Variants in ADGRL1 observed in about 807,000 individuals in gnomAD.
ADGRL1 encodes the protein CIRL-1.
In ADGRL1, 31 loss-of-function variants were observed where a neutral mutation model predicts 148.9. That is an observed-to-expected ratio of 0.21 (90% CI 0.16 to 0.28). The LOEUF is 0.28. Among genes scored for constraint, ADGRL1 ranks in the 10% least tolerant of loss-of-function variants. The pLI is 1.00. For synonymous variants in ADGRL1, 937 were observed against 900.3 expected (o/e 1.04, Z -0.73); for missense variants, 1,521 against 2,058.8 (o/e 0.74, Z 5.05).
chr19:14,158,661 G>A, intron 11 of ADGRL1, 109 bp from the exon 12 acceptor site: 1 of 855,292 alleles, frequency 1.2e-6, no homozygotes. Context: ...GGCCACGCTG[G>A]CCACTGGGAC....
chr19:14,174,295 G>A (rs1024165976), intron 3 of ADGRL1, among the ~76,000 whole-genome samples: 1 of 152,218 alleles, frequency 6.6e-6, no homozygotes, highest in East Asian at 1.9e-4. Context: ...AGCCTGGACT[G>A]GGAATGCCTA....
chr19:14,153,289 T>C (rs1447068155), intron 18 of ADGRL1, among the ~76,000 whole-genome samples: 2 of 152,112 alleles, frequency 1.3e-5, no homozygotes, highest in Non-Finnish European at 2.9e-5. Flanking sequence ...TATATTTCAG[T>C]AGACAGAGAC....
intron 1 of ADGRL1, among the ~76,000 whole-genome samples, chr19:14,194,451 G>A (rs921049557): frequency 6.6e-6 from 1 of 152,238 alleles, no homozygotes; most frequent in Non-Finnish European, 1.5e-5. Context: ...CACCTGAGAT[G>A]CCTGGGACAG....
intron 4 of ADGRL1, among the ~76,000 whole-genome samples, chr19:14,166,236 G>A (rs1441924227): frequency 6.9e-5 from 4 of 58,054 alleles, no homozygotes; most frequent in African/African-American, 2.7e-4. Flanking sequence ...GCCCGCCCCC[G>A]CCCCCTCGCC....
chr19:14,152,802 G>A lies in ADGRL1; in HGVS notation c.3405C>T (p.Arg1135=), dbSNP rs766291655. The part of the protein sequence containing the change: ...LKTSAMRSNT[R]YYTGTQSRIR... The stretch of plus-strand genomic sequence containing the variant: ...CCGATACCTGGGTCCCTGTGTAGTA[G>A]CGGGTGTTGCTTCGCATGGCTGAGG... Residue 1135 remains arginine, a synonymous_variant, in exon 19 of 23, where the codon CGC becomes CGT. Coordinates refer to ENST00000361434, the MANE Select transcript of ADGRL1 (RefSeq NM_014921.5). This position sits in a 1 kb window ranked among gnomAD's most constrained non-coding sequence, Gnocchi z 6.1. The A allele has an allele frequency of 5.6e-6, 9 of 1,614,104 alleles. No individual in the cohort carries two copies. Among genetic ancestry groups the A allele is most frequent in the Non-Finnish European group, 7.6e-6 (9 of 1,179,990 alleles).
chr19:14,189,982 G>A (rs1047421472), intron 1 of ADGRL1, among the ~76,000 whole-genome samples: 23 of 152,200 alleles, frequency 1.5e-4, no homozygotes, highest in African/African-American at 5.1e-4. Context: ...ATGCTGGAGT[G>A]CAGTGGCGCA....
intron 3 of ADGRL1, chr19:14,171,066 G>C (rs919845036): frequency 5.7e-6 from 2 of 348,250 alleles, no homozygotes; most frequent in Non-Finnish European, 1.1e-5. Flanking sequence ...CCGTGCTGTT[G>C]AGATCTGGTT....
At chr19:14,183,032 G>A (rs1331930442) in intron 2 of ADGRL1, among the ~76,000 whole-genome samples, 1 of 152,318 alleles carries the variant, frequency 6.6e-6, no homozygotes, top group South Asian at 2.1e-4. Flanking sequence ...TCGAGTAATC[G>A]GTGAGGGTGG....
Position 14,177,670 on chromosome 19 carries a change from G to A in ADGRL1, c.145C>T (p.Arg49Trp), listed in dbSNP as rs1249740561. The A allele has an allele frequency of 6.2e-6, 10 of 1,614,072 alleles. No individual in the cohort carries two copies. Among genetic ancestry groups the A allele is most frequent in the Non-Finnish European group, 8.5e-6 (10 of 1,180,054 alleles). The change falls in exon 3 of 23, where the codon CGG becomes TGG. Residue 49 changes from arginine (R) to tryptophan (W), a missense_variant. This residue lies in a region of ADGRL1 where 334 missense variants were observed against 512.5 expected (regional missense o/e 0.65). Coordinates refer to ENST00000361434, the MANE Select transcript of ADGRL1 (RefSeq NM_014921.5). ...LACEGYPIEL[R>W]CPGSDVIMVE... Reference sequence around the variant, plus strand: ...ATGATGACGTCGCTGCCGGGGCACCGCAGCTCGATGGGGTAGCCTTCACAC... The same window carrying A: ...ATGATGACGTCGCTGCCGGGGCACCACAGCTCGATGGGGTAGCCTTCACAC...
At chr19:14,197,977 T>A (rs1412015695) in intron 1 of ADGRL1, among the ~76,000 whole-genome samples, 1 of 152,056 alleles carries the variant, frequency 6.6e-6, no homozygotes, top group African/African-American at 2.4e-5. Context: ...GTAGACAGGG[T>A]GGCCAGGAAA....
At chr19:14,165,690 A>C (rs1599434061) in intron 4 of ADGRL1, among the ~76,000 whole-genome samples, 2 of 146,584 alleles carry the variant, frequency 1.4e-5, no homozygotes, top group East Asian at 4.2e-4. Flanking sequence ...GAGAGACTCC[A>C]GGAGAAAGAG....
intron 4 of ADGRL1, among the ~76,000 whole-genome samples, chr19:14,167,891 A>T (rs1970130302): frequency 6.6e-6 from 1 of 152,006 alleles, no homozygotes; most frequent in South Asian, 2.1e-4. Context: ...CCGGGGGCCC[A>T]GGAGCTGGGA....
At chr19:14,163,465 GGAGAGAGAGAGAGA>G (rs71170599) in intron 4 of ADGRL1, 59 bp from the exon 5 acceptor site, 11 of 702,288 alleles carry the variant, frequency 1.6e-5, no homozygotes, top group African/African-American at 2.3e-5. Flanking sequence ...GCGAGAGGGA[GGAGAGAGAGAGAGA>G]GAGAGAGAGA....
intron 2 of ADGRL1, among the ~76,000 whole-genome samples, chr19:14,181,149 C>T (rs972869096): frequency 6.6e-6 from 1 of 152,258 alleles, no homozygotes; most frequent in African/African-American, 2.4e-5. Context: ...CTCTGGGGGA[C>T]CCCCAAACTT....
rs1280033294 is a variant in ADGRL1, at chr19:14,159,940, GC to G, written c.1801-168del. ...TCCCCAACCCCCAGGACCATCCGGGGCAGCACAGGAGTGAGACCCGGCAGTC... is the reference window on the plus strand; with the variant it reads ...TCCCCAACCCCCAGGACCATCCGGGGAGCACAGGAGTGAGACCCGGCAGTC... On this transcript the variant is annotated intron_variant, in intron 8 of 22. Coordinates refer to ENST00000361434, the MANE Select transcript of ADGRL1 (RefSeq NM_014921.5). This position sits in a 1 kb window ranked among gnomAD's most constrained non-coding sequence, Gnocchi z 6.0. Among the ~76,000 whole-genome samples the G allele has an allele frequency of 6.6e-6, 1 of 152,158 alleles. No homozygotes were observed. Among genetic ancestry groups the G allele is most frequent in the Non-Finnish European group, 1.5e-5 (1 of 68,004 alleles).
Position 14,157,149 on chromosome 19 carries a change from CG to C in ADGRL1, c.2746-5del. 2 of 1,613,840 alleles carry C rather than the reference CG, an allele frequency of 1.2e-6. No individual in the cohort carries two copies. Among genetic ancestry groups the C allele is most frequent in the Non-Finnish European group, 1.7e-6 (2 of 1,179,928 alleles). On this transcript the variant is annotated splice_polypyrimidine_tract_variant and splice_region_variant and intron_variant, in intron 14 of 22. Coordinates refer to ENST00000361434, the MANE Select transcript of ADGRL1 (RefSeq NM_014921.5). This position sits in a 1 kb window ranked among gnomAD's most constrained non-coding sequence, Gnocchi z 7.5. ...CGGCGAAGATGGGGCAGGCAATCTG[CG>C]GGGAGCACTGAGGGTGAGGGGCTGC...
At position 14,159,777 on chromosome 19, in the gene ADGRL1, GAA is replaced by G. The variant is rs758812136; in HGVS notation, c.1801-6_1801-5del. Reference sequence around the variant, plus strand: ...AAGTTCTCTCTCGCTTGTGCATCTAGAAAGAGATGGAGGTGATGTCAGGCCAG... The same window carrying G: ...AAGTTCTCTCTCGCTTGTGCATCTAGAGAGATGGAGGTGATGTCAGGCCAG... On this transcript the variant is annotated splice_polypyrimidine_tract_variant and splice_region_variant and intron_variant, in intron 8 of 22. Transcript: ENST00000361434. This position sits in a 1 kb window ranked among gnomAD's most constrained non-coding sequence, Gnocchi z 6.0. The G allele has an allele frequency of 6.2e-7, 1 of 1,613,560 alleles. No individual in the cohort carries two copies. The highest frequency in any genetic ancestry group is 1.1e-5 in the South Asian group (1 of 91,068).
chr19:14,192,794 A>G (rs1709569708), intron 1 of ADGRL1, among the ~76,000 whole-genome samples: 1 of 151,938 alleles, frequency 6.6e-6, no homozygotes, highest in Admixed American at 6.6e-5. Context: ...CAGATGATCC[A>G]CGCGCCTCGG....
At chr19:14,174,934 C>G (rs188066153) in intron 3 of ADGRL1, among the ~76,000 whole-genome samples, 1 of 151,246 alleles carries the variant, frequency 6.6e-6, no homozygotes, top group Non-Finnish European at 1.5e-5. Context: ...CTCAAACTCC[C>G]GGGCCCAAGT....
Sources: gnomAD v4.1 joint callset for allele counts (sites outside exome capture counted in the v4.1 genomes callset) on GRCh38, gnomAD v4.1.1 for gene constraint, gnomAD v4.1.1 regional missense constraint, Gnocchi (gnomAD v3.1) non-coding constraint, MANE v1.5 for transcripts, NCBI Gene and HGNC (gene_info 2026-07-23, HGNC 2026-07-21) for gene names.